SLMAP: variants seen among roughly 807,000 people sequenced by gnomAD.
SLMAP encodes the protein sarcolemma associated protein.
In SLMAP, 44 loss-of-function variants were observed where a neutral mutation model predicts 128.8. That is an observed-to-expected ratio of 0.34 (90% CI 0.27 to 0.44). SLMAP has a LOEUF of 0.44. SLMAP is among the 20% of genes least tolerant of loss of function. The pLI, the probability that SLMAP is intolerant of heterozygous loss-of-function variation, is 1.00. For missense variants in SLMAP, 787 were observed against 985.3 expected (o/e 0.80, Z 2.69); for synonymous variants, 327 against 348.8 (o/e 0.94, Z 0.70).
intron 2 of SLMAP, among the ~76,000 whole-genome samples, chr3:57,779,617 G>T (rs2082616369): frequency 6.6e-6 from 1 of 152,160 alleles, no homozygotes; most frequent in East Asian, 1.9e-4. Context: ...AATCCTTGTG[G>T]GGGAGGCAGA....
intron 23 of SLMAP, among the ~76,000 whole-genome samples, chr3:57,924,376 CT>C (rs1004075421): frequency 1.4e-5 from 2 of 146,952 alleles, no homozygotes; most frequent in African/African-American, 5.0e-5. Flanking sequence ...TCTTTTTTCT[CT>C]TTTTTTTTGA....
chr3:57,877,176 TTCTC>T (rs1212546010), intron 14 of SLMAP, among the ~76,000 whole-genome samples: 2 of 152,226 alleles, frequency 1.3e-5, no homozygotes, highest in African/African-American at 4.8e-5. Context: ...AGAAAAATCT[TTCTC>T]TCTGCCTCCC....
At chr3:57,885,663 C>G (rs1313319562) in intron 14 of SLMAP, among the ~76,000 whole-genome samples, 1 of 151,782 alleles carries the variant, frequency 6.6e-6, no homozygotes, top group Non-Finnish European at 1.5e-5. Context: ...AGGTGATCCG[C>G]CCGCCTGGGC....
intron 19 of SLMAP, chr3:57,912,165 G>A: frequency 2.2e-6 from 1 of 457,358 alleles, no homozygotes; most frequent in Non-Finnish European, 4.0e-6. Context: ...AATATCAGAA[G>A]TAATTTTCTG....
chr3:57,907,090 C>T lies in SLMAP; in HGVS notation c.1502-794C>T, dbSNP rs560587293. 3.5e-4 allele frequency among the ~76,000 whole-genome samples: 53 copies of T among 152,088 alleles called. No individual in the cohort carries two copies. In the East Asian group the frequency reaches 4.6e-3, roughly 13 times the overall value. On this transcript the variant is annotated intron_variant, in intron 17 of 24. Coordinates refer to ENST00000671191, the MANE Select transcript of SLMAP (RefSeq NM_001377540.1). ...TTGCCCAGGCTGGAGCGCAGTGGCG[C>T]GATCTCGGCTCACTGCAACGTCTGC... is the stretch of plus-strand genomic sequence containing the variant.
chr3:57,908,993 T>TA (rs1046850947), intron 18 of SLMAP, 83 bp from the exon 19 acceptor site: 43 of 957,314 alleles, frequency 4.5e-5, no homozygotes, highest in Middle Eastern at 5.6e-4. Context: ...GAGAGAATTT[T>TA]AAAAGAAATT....
At chr3:57,779,508 C>CAAAAAAAAAAAA (rs75146875) in intron 2 of SLMAP, among the ~76,000 whole-genome samples, 3 of 79,784 alleles carry the variant, frequency 3.8e-5, no homozygotes, top group South Asian at 4.5e-4. Context: ...GACCCTGTTT[C>CAAAAAAAAAAAA]AAAAAAAAAA....
chr3:57,854,017 T>TA (rs1192064189), intron 6 of SLMAP, among the ~76,000 whole-genome samples: 1 of 112,816 alleles, frequency 8.9e-6, no homozygotes, highest in African/African-American at 3.4e-5. Flanking sequence ...ATAATATATA[T>TA]TATATATAAT....
chr3:57,895,506 T>C (rs2096218970), intron 15 of SLMAP, among the ~76,000 whole-genome samples: 1 of 152,038 alleles, frequency 6.6e-6, no homozygotes, highest in Non-Finnish European at 1.5e-5. Flanking sequence ...AGCTAATTTT[T>C]TGTATTTTTT....
intron 17 of SLMAP, among the ~76,000 whole-genome samples, chr3:57,905,493 T>G (rs1296899348): frequency 6.6e-6 from 1 of 151,978 alleles, no homozygotes; most frequent in East Asian, 1.9e-4. Flanking sequence ...GTTGCCTAGG[T>G]GGGTTTTGAA....
At chr3:57,799,247 C>A (rs1238407289) in intron 2 of SLMAP, among the ~76,000 whole-genome samples, 1 of 152,126 alleles carries the variant, frequency 6.6e-6, no homozygotes, top group African/African-American at 2.4e-5. Context: ...ATTAAATATA[C>A]CTAGCTAACC....
At chr3:57,784,593 A>G (rs959183089) in intron 2 of SLMAP, among the ~76,000 whole-genome samples, 26 of 152,132 alleles carry the variant, frequency 1.7e-4, no homozygotes, top group Non-Finnish European at 1.8e-4. Flanking sequence ...TCTCACCTAT[A>G]TCTGATTTAA....
At chr3:57,908,958 T>A (rs1424555765) in intron 18 of SLMAP, 118 bp from the exon 19 acceptor site, 1 of 689,154 alleles carries the variant, frequency 1.5e-6, no homozygotes, top group Non-Finnish European at 2.5e-6. Context: ...CTGCCTAACT[T>A]TTGTTTCTTT....
intron 3 of SLMAP, among the ~76,000 whole-genome samples, chr3:57,832,632 A>G (rs1449041436): frequency 6.6e-6 from 1 of 152,158 alleles, no homozygotes; most frequent in Non-Finnish European, 1.5e-5. Flanking sequence ...TGATCTGGTG[A>G]TACTGGTCAG....
intron 2 of SLMAP, among the ~76,000 whole-genome samples, chr3:57,798,811 AATATT>A (rs1281427487): frequency 6.6e-6 from 1 of 152,144 alleles, no homozygotes; most frequent in Non-Finnish European, 1.5e-5. Flanking sequence ...TTACTTTTAT[AATATT>A]ATTTTATTTC....
chr3:57,839,252 TG>T (rs1197185711), intron 3 of SLMAP, among the ~76,000 whole-genome samples: 3 of 152,140 alleles, frequency 2.0e-5, no homozygotes, highest in South Asian at 4.2e-4. Context: ...AGATGGTTCT[TG>T]ATCTGTGTTA....
chr3:57,849,254 T>G (rs1310462288), intron 5 of SLMAP, among the ~76,000 whole-genome samples: 1 of 152,156 alleles, frequency 6.6e-6, no homozygotes, highest in African/African-American at 2.4e-5. Flanking sequence ...GAAAAAACCC[T>G]TATAGAAGAT....
intron 6 of SLMAP, 137 bp from the exon 7 acceptor site, chr3:57,857,595 AC>A: frequency 1.6e-6 from 1 of 633,324 alleles, no homozygotes; most frequent in Non-Finnish European, 2.8e-6. Flanking sequence ...TTTACAAAGT[AC>A]TATCAAGTTT....
Position 57,789,997 on chromosome 3 carries a change from C to T in SLMAP, c.198+32148C>T, listed in dbSNP as rs530972039. On this transcript the variant is annotated intron_variant, in intron 2 of 24. Transcript: ENST00000671191. ...GATTATAGGTGCCCGCCACCACTCC[C>T]AACTAATTTTTTTATTTTTAGTAGA... 2.0e-5 allele frequency among the ~76,000 whole-genome samples: 3 copies of T among 152,104 alleles called. No individual in the cohort carries two copies. The East Asian group carries it at 5.8e-4, about 30-fold the overall frequency.
Sources: allele counts gnomAD v4.1 joint callset (sites outside exome capture counted in the v4.1 genomes callset), GRCh38; gene constraint gnomAD v4.1.1; transcripts MANE v1.5; gene names NCBI Gene and HGNC (gene_info 2026-07-23, HGNC 2026-07-21).